Variants in SMARCC1 observed in about 807,000 individuals in gnomAD.
SMARCC1 encodes SWI/SNF complex subunit SMARCC1.
A neutral mutation model predicts 147.4 loss-of-function variants in SMARCC1; 43 were observed. The observed-to-expected ratio is 0.29, with a 90% CI of 0.23 to 0.38. The LOEUF is 0.38. SMARCC1 is among the 10% of genes least tolerant of loss of function. The pLI, the probability that SMARCC1 is intolerant of heterozygous loss-of-function variation, is 1.00. For synonymous variants in SMARCC1, 495 were observed against 484.4 expected, an observed-to-expected ratio of 1.02 and a Z score of -0.29; for missense variants, 1,119 against 1,381.1, an observed-to-expected ratio of 0.81 and a Z score of 3.01.
At position 47,587,941 on chromosome 3, in the gene SMARCC1, C is replaced by CA. The variant is rs1409380799; in HGVS notation, c.*267dup. 1.8e-5 allele frequency: 8 copies of CA among 446,058 alleles called. No individual in the cohort carries two copies. The allele number at this position is 446,058 out of a possible 1,614,324, so 27.6% of individuals were successfully genotyped here. ...TGCAGAGAAACTGTCAGCTTACTCC[C>CA]ACACCAGGACAGGGGAGATGCAGGT... On this transcript the variant is annotated 3_prime_UTR_variant, in exon 28 of 28. Transcript: ENST00000254480.
intron 24 of SMARCC1, among the ~76,000 whole-genome samples, chr3:47,629,288 T>C (rs1164943914): frequency 2.6e-5 from 4 of 152,200 alleles, no homozygotes; most frequent in African/African-American, 7.2e-5. Context: ...GCCTCATCTG[T>C]ATGTGGACCT....
rs2032053959 is a variant in SMARCC1 at position 47,585,271 on chromosome 3, T to G, written c.*2938A>C. On this transcript the variant is annotated 3_prime_UTR_variant, in exon 28 of 28. Coordinates refer to ENST00000254480, the MANE Select transcript of SMARCC1 (RefSeq NM_003074.4). ...TCTAAAAATAATTCACACACAAGTTTATAAACCAGTCTTTAGTTTCGATAA... is the reference window on the plus strand; with the variant it reads ...TCTAAAAATAATTCACACACAAGTTGATAAACCAGTCTTTAGTTTCGATAA... 1 of 152,236 alleles carries G rather than the reference T, an allele frequency of 6.6e-6. No homozygotes were observed. The highest frequency in any genetic ancestry group is 1.5e-5 in the Non-Finnish European group (1 of 68,046). The allele number at this position is 152,236 out of a possible 1,614,324, so 9.4% of individuals were successfully genotyped here.
chr3:47,690,607 G>T (rs2033778624), intron 12 of SMARCC1, among the ~76,000 whole-genome samples: 1 of 152,176 alleles, frequency 6.6e-6, no homozygotes. Flanking sequence ...TGGCAGGAAA[G>T]TAAGACCAGG....
intron 25 of SMARCC1, among the ~76,000 whole-genome samples, chr3:47,618,203 A>G (rs2032673784): frequency 6.6e-6 from 1 of 152,168 alleles, no homozygotes. Context: ...TTCAGAAAAT[A>G]TTTATGAAAT....
chr3:47,685,153 T>C (rs1412261758), intron 14 of SMARCC1, among the ~76,000 whole-genome samples: 1 of 152,170 alleles, frequency 6.6e-6, no homozygotes, highest in Non-Finnish European at 1.5e-5. Context: ...AGGGGTTCCT[T>C]GAACAGAAGC....
intron 2 of SMARCC1, among the ~76,000 whole-genome samples, chr3:47,755,438 A>G (rs1016413470): frequency 2.0e-5 from 3 of 150,284 alleles, no homozygotes; most frequent in Non-Finnish European, 4.4e-5. Context: ...CAGAGCTTGC[A>G]GTGAGCTGAG....
chr3:47,736,092 A>G lies in SMARCC1; in HGVS notation c.518T>C (p.Ile173Thr). The change falls in exon 5 of 28, where the codon ATT (isoleucine) becomes ACT (threonine). Residue 173 changes from isoleucine (I) to threonine (T), a missense_variant. Around this residue, in one of 6 missense-constraint regions of SMARCC1, gnomAD observed 542 missense variants for 611.8 expected, o/e 0.89. Coordinates refer to ENST00000254480, the MANE Select transcript of SMARCC1 (RefSeq NM_003074.4). ...AGCCAACTTCAGATCAATGTCTGGA[A>G]TGAGGTAGATGTTGGGTCTGGTCAA... ...NCLTRPNIYL[I>T]PDIDLKLANK... 1 of 1,599,644 alleles carries G rather than the reference A, an allele frequency of 6.3e-7. No homozygotes were observed. Among genetic ancestry groups the G allele is most frequent in the South Asian group, 1.1e-5 (1 of 88,350 alleles).
chr3:47,753,306 C>CA (rs1446039926), intron 2 of SMARCC1, among the ~76,000 whole-genome samples: 16 of 131,710 alleles, frequency 1.2e-4, no homozygotes, highest in South Asian at 4.8e-4. Context: ...GCCTGGGCAA[C>CA]AGAGCGAGAC....
chr3:47,753,960 T>C (rs2034659115), intron 2 of SMARCC1, among the ~76,000 whole-genome samples: 1 of 152,138 alleles, frequency 6.6e-6, no homozygotes, highest in Non-Finnish European at 1.5e-5. Context: ...ATCATTTAAA[T>C]TCCAGAATTC....
chr3:47,747,930 GGT>G (rs1159791003), intron 2 of SMARCC1, among the ~76,000 whole-genome samples: 5 of 152,020 alleles, frequency 3.3e-5, no homozygotes, highest in African/African-American at 1.2e-4. Context: ...GGCCAAAGCG[GGT>G]GGATCATGTG....
At chr3:47,702,851 G>A (rs529220479) in intron 10 of SMARCC1, among the ~76,000 whole-genome samples, 43 of 152,050 alleles carry the variant, frequency 2.8e-4, no homozygotes, top group Middle Eastern at 3.4e-3. Context: ...TCCTACCTTG[G>A]CCTCCCAAAG....
Position 47,586,008 on chromosome 3 carries a change from C to G in SMARCC1, c.*2201G>C, listed in dbSNP as rs958695519. On this transcript the variant is annotated 3_prime_UTR_variant, in exon 28 of 28. Coordinates refer to ENST00000254480, the MANE Select transcript of SMARCC1 (RefSeq NM_003074.4). ...TCATTTTTTCCAAAATAACAACACA[C>G]TGAGAAACATGTTTGTACAAAAACC... The G allele has an allele frequency of 6.6e-6, 1 of 152,564 alleles. No individual in the cohort carries two copies. The highest frequency in any genetic ancestry group is 1.5e-5 in the Non-Finnish European group (1 of 68,034). The allele number at this position is 152,564 out of a possible 1,614,324, so 9.5% of individuals were successfully genotyped here.
At chr3:47,629,416 G>A (rs1022564276) in intron 24 of SMARCC1, among the ~76,000 whole-genome samples, 4 of 152,198 alleles carry the variant, frequency 2.6e-5, no homozygotes, top group Admixed American at 1.3e-4. Flanking sequence ...AGAGTAGACT[G>A]TGGAGGGTTA....
At chr3:47,755,272 G>A (rs1428878560) in intron 2 of SMARCC1, among the ~76,000 whole-genome samples, 2 of 151,498 alleles carry the variant, frequency 1.3e-5, no homozygotes, top group African/African-American at 2.4e-5. Context: ...GGAGGCTGAG[G>A]CGGGCTGATC....
At chr3:47,756,215 G>T (rs933249454) in intron 2 of SMARCC1, among the ~76,000 whole-genome samples, 1 of 150,154 alleles carries the variant, frequency 6.7e-6, no homozygotes, top group Non-Finnish European at 1.5e-5. Context: ...AAATACAGAA[G>T]AATATATACA....
chr3:47,618,678 G>A lies in SMARCC1; in HGVS notation c.2781+3529C>T, dbSNP rs544865991. ...GAGCGGTTATACACTGCCCCTTGGT[G>A]TCTGGGGGCCAGTAGACAGAAGTGG... On this transcript the variant is annotated intron_variant, in intron 25 of 27. Coordinates refer to ENST00000254480, the MANE Select transcript of SMARCC1 (RefSeq NM_003074.4). Among the ~76,000 whole-genome samples, 230 of 152,276 alleles carry A rather than the reference G, an allele frequency of 1.5e-3. No individual in the cohort carries two copies. In the Middle Eastern group the frequency reaches 0.02, roughly 14 times the overall value.
intron 6 of SMARCC1, among the ~76,000 whole-genome samples, chr3:47,723,355 GTT>G (rs71070218): frequency 0.022 from 2,397 of 106,566 alleles, 18 homozygotes; most frequent in Middle Eastern, 0.079. Flanking sequence ...TTTTTGTTGG[GTT>G]TTTTTTTTTT....
In SMARCC1 at chr3:47,661,301, C is replaced by T. The variant is rs77925356; in HGVS notation, c.2313G>A (p.Glu771=). ...CIAGTGPDEP[E]KLEGAEEEKM... The stretch of plus-strand genomic sequence containing the variant: ...AAAGCAGCAGTGACTCACCAAGCTT[C>T]TCTGGCTCATCGGGCCCTGTGCCTG... The change falls in exon 21 of 28, where the codon GAG becomes GAA. Residue 771 remains glutamate, a synonymous_variant. Coordinates refer to ENST00000254480, the MANE Select transcript of SMARCC1 (RefSeq NM_003074.4). 7 of 1,608,228 alleles carry T rather than the reference C, an allele frequency of 4.4e-6. No homozygotes were observed. In the East Asian group the frequency reaches 1.3e-4, roughly 31 times the overall value.
chr3:47,691,142 TTAA>T (rs775543694), intron 12 of SMARCC1, among the ~76,000 whole-genome samples: 4 of 152,128 alleles, frequency 2.6e-5, no homozygotes, highest in Non-Finnish European at 4.4e-5. Flanking sequence ...ATCCCTAATA[TTAA>T]TAATATCCCT....
Sources: gnomAD v4.1 joint callset for allele counts (sites outside exome capture counted in the v4.1 genomes callset) on GRCh38, gnomAD v4.1.1 for gene constraint, gnomAD v4.1.1 regional missense constraint, MANE v1.5 for transcripts, NCBI Gene and HGNC (gene_info 2026-07-23, HGNC 2026-07-21) for gene names.